Variants in RALY observed in about 807,000 individuals in gnomAD.
The protein encoded by RALY is RALY heterogeneous nuclear ribonucleoprotein, also known as RNA-binding protein Raly.
In RALY, 15 loss-of-function variants were observed where a neutral mutation model predicts 30.7. The observed-to-expected ratio is 0.49, with a 90% CI of 0.33 to 0.75. RALY has a LOEUF of 0.75. RALY is among the 30% of genes least tolerant of loss of function. The pLI is 0.02. For synonymous variants in RALY, 177 were observed against 170.8 expected, an observed-to-expected ratio of 1.04 and a Z score of -0.28; for missense variants, 339 against 414.3, an observed-to-expected ratio of 0.82 and a Z score of 1.58.
intron 2 of RALY, among the ~76,000 whole-genome samples, chr20:34,067,873 G>C (rs1342649786): frequency 6.7e-6 from 1 of 150,192 alleles, no homozygotes; most frequent in Admixed American, 6.6e-5. Flanking sequence ...TGTCCTGGGG[G>C]CCTGTCTCTT....
intron 1 of RALY, among the ~76,000 whole-genome samples, chr20:34,003,702 G>A (rs900249753): frequency 2.9e-4 from 43 of 148,702 alleles, no homozygotes; most frequent in African/African-American, 1.1e-3. Context: ...TGCAGTGGCG[G>A]GATCTCGGCT....
In RALY at chr20:34,076,718, G is replaced by T. The variant is rs1478886701; in HGVS notation, c.561G>T (p.Leu187=). Residue 187 remains leucine (L), a synonymous_variant, in exon 7 of 10, where the codon CTG becomes CTT. Coordinates refer to ENST00000246194, the MANE Select transcript of RALY (RefSeq NM_016732.3). ...CACTCCCAGTAAAGAGCAGTGAGCT[G>T]CAGGCCATCAAGACGGAGCTGACAC... ...SAKIKLKSSE[L]QAIKTELTQI... 1.9e-6 allele frequency: 3 copies of T among 1,614,058 alleles called. No individual in the cohort carries two copies. The highest frequency in any genetic ancestry group is 2.5e-6 in the Non-Finnish European group (3 of 1,180,000).
chr20:33,994,536 G>A (rs2122944747), intron 1 of RALY, among the ~76,000 whole-genome samples: 1 of 152,350 alleles, frequency 6.6e-6, no homozygotes, highest in East Asian at 1.9e-4. Context: ...GGCGGGCCCG[G>A]CCGCGGCTGC....
chr20:34,072,215 T>C lies in RALY; in HGVS notation c.141T>C (p.Arg47=), dbSNP rs1201329128. 1 of 1,614,254 alleles carries C rather than the reference T, an allele frequency of 6.2e-7. No individual in the cohort carries two copies. The highest frequency in any genetic ancestry group is 8.5e-7 in the Non-Finnish European group (1 of 1,180,040). Residue 47 remains arginine (R), a synonymous_variant, in exon 3 of 10, where the codon CGT becomes CGC. Transcript: ENST00000246194. ...AGACCATCTTCTCTAAGTATGGCCG[T>C]GTGGCCGGCTGTTCTGTGCACAAGG... is the stretch of plus-strand genomic sequence containing the variant. ...DVETIFSKYG[R]VAGCSVHKGY...
At chr20:34,002,159 C>T (rs2030949641) in intron 1 of RALY, among the ~76,000 whole-genome samples, 1 of 152,158 alleles carries the variant, frequency 6.6e-6, no homozygotes, top group Non-Finnish European at 1.5e-5. Context: ...AATGGTGCTG[C>T]TGCCAAAGTA....
At chr20:34,042,129 CAT>C (rs1461227973) in intron 2 of RALY, among the ~76,000 whole-genome samples, 1 of 152,066 alleles carries the variant, frequency 6.6e-6, no homozygotes, top group South Asian at 2.1e-4. Flanking sequence ...AAAAAACAAA[CAT>C]AAACAAAAAC....
At chr20:34,073,997 C>A in intron 5 of RALY, 131 bp downstream of exon 5, 1 of 945,658 alleles carries the variant, frequency 1.1e-6, no homozygotes, top group Non-Finnish European at 1.6e-6. Context: ...GTTGCTCCAC[C>A]AGTCGGTAGC....
At chr20:34,071,967 AG>A in intron 2 of RALY, 98 bp from the exon 3 acceptor site, 1 of 1,346,406 alleles carries the variant, frequency 7.4e-7, no homozygotes, top group Non-Finnish European at 1.0e-6. Context: ...ATAAGGGTTA[AG>A]GAAGGTAAGA....
At chr20:34,000,433 C>T (rs184728689) in intron 1 of RALY, among the ~76,000 whole-genome samples, 31 of 152,294 alleles carry the variant, frequency 2.0e-4, no homozygotes, top group South Asian at 4.1e-4. Flanking sequence ...CCCCTCTCTT[C>T]GAACGAATAA....
At position 34,077,052 on chromosome 20, in the gene RALY, G is replaced by A. The variant is rs1464906157; in HGVS notation, c.683G>A (p.Gly228Asp). ...NPDGKKKGDGGGAGGGGGGGG... is the reference protein window; with the variant it reads ...NPDGKKKGDGDGAGGGGGGGG... ...GATGGCAAGAAGAAGGGTGATGGAG[G>A]TGGCGCCGGCGGCGGCGGCGGTGGT... The change falls in exon 8 of 10, where the codon GGT becomes GAT. Residue 228 changes from glycine (G) to aspartate (D), a missense_variant. This residue lies in a region of RALY where 268 missense variants were observed against 280.6 expected (regional missense o/e 0.95). Transcript: ENST00000246194. 5 of 1,533,404 alleles carry A rather than the reference G, an allele frequency of 3.3e-6. No individual in the cohort carries two copies. Among genetic ancestry groups the A allele is most frequent in the Non-Finnish European group, 4.3e-6 (5 of 1,150,940 alleles). The allele number at this position is 1,533,404 out of a possible 1,614,324, so 95.0% of individuals were successfully genotyped here.
At chr20:34,030,161 T>G (rs1450819913) in intron 1 of RALY, among the ~76,000 whole-genome samples, 1 of 152,138 alleles carries the variant, frequency 6.6e-6, no homozygotes, top group South Asian at 2.1e-4. Context: ...CCTTCTGTTT[T>G]TGAGAATTGT....
intron 5 of RALY, among the ~76,000 whole-genome samples, chr20:34,074,345 T>G (rs1231650239): frequency 6.6e-6 from 1 of 152,108 alleles, no homozygotes; most frequent in Non-Finnish European, 1.5e-5. Flanking sequence ...TGGTCTACCC[T>G]GCACTCCCAA....
chr20:34,019,141 G>A (rs899661743), intron 1 of RALY, among the ~76,000 whole-genome samples: 1 of 152,052 alleles, frequency 6.6e-6, no homozygotes, highest in Non-Finnish European at 1.5e-5. Context: ...TGGCCAAGTT[G>A]GTGAAACCCT....
chr20:34,066,725 T>C (rs554125175), intron 2 of RALY, among the ~76,000 whole-genome samples: 2 of 151,832 alleles, frequency 1.3e-5, no homozygotes, highest in South Asian at 4.2e-4. Flanking sequence ...TTAAACTCAT[T>C]CTTGAGGTCT....
chr20:34,073,124 A>G (rs1373218628), intron 3 of RALY, among the ~76,000 whole-genome samples: 1 of 152,194 alleles, frequency 6.6e-6, no homozygotes, highest in African/African-American at 2.4e-5. Flanking sequence ...GTAGTTGTCT[A>G]TACTGAGTGT....
At chr20:34,042,601 T>C (rs1017143401) in intron 2 of RALY, among the ~76,000 whole-genome samples, 1 of 152,170 alleles carries the variant, frequency 6.6e-6, no homozygotes, top group African/African-American at 2.4e-5. Flanking sequence ...AGAGTGAGCA[T>C]GTGTCAGGTT....
intron 2 of RALY, among the ~76,000 whole-genome samples, chr20:34,047,887 T>A (rs535579507): frequency 1.3e-5 from 2 of 152,310 alleles, no homozygotes; most frequent in South Asian, 4.1e-4. Flanking sequence ...TCTGATTCCC[T>A]GACCAACCCC....
chr20:34,037,446 G>C (rs1275222761), intron 2 of RALY, among the ~76,000 whole-genome samples: 1 of 152,148 alleles, frequency 6.6e-6, no homozygotes, highest in African/African-American at 2.4e-5. Flanking sequence ...GTGGCTTTTG[G>C]GGGACCATTC....
intron 7 of RALY, 103 bp from the exon 8 acceptor site, chr20:34,076,925 A>G: frequency 1.3e-6 from 2 of 1,596,542 alleles, no homozygotes; most frequent in South Asian, 2.3e-5. Flanking sequence ...ATCCTGGACC[A>G]CCTGCACTCA....
Sources: allele counts gnomAD v4.1 joint callset (sites outside exome capture counted in the v4.1 genomes callset), GRCh38; gene constraint gnomAD v4.1.1; regional missense constraint gnomAD v4.1.1; transcripts MANE v1.5; gene names NCBI Gene and HGNC (gene_info 2026-07-23, HGNC 2026-07-21).